The following ENPP6 variants were observed in gnomAD, a reference collection of about 807,000 sequenced individuals.
ENPP6 encodes the protein glycerophosphocholine cholinephosphodiesterase ENPP6.
Under a neutral mutation model 42.0 loss-of-function variants are expected in ENPP6, and 32 were observed. That is an observed-to-expected ratio of 0.76 (90% confidence interval 0.58 to 1.02). The LOEUF is 1.02. Ranked by LOEUF, ENPP6 falls within the 50% of genes least tolerant of loss-of-function variation. The pLI is 0.00. For synonymous variants in ENPP6, 213 were observed against 216.0 expected (o/e 0.99, Z 0.12); for missense variants, 552 against 566.8 (o/e 0.97, Z 0.27).
chr4:184,217,314 C>T (rs1733212956), intron 1 of ENPP6, among the ~76,000 whole-genome samples: 1 of 152,166 alleles, frequency 6.6e-6, no homozygotes, highest in Non-Finnish European at 1.5e-5. Flanking sequence ...CTTTTAATAT[C>T]GTCAAATATC....
chr4:184,091,310 C>T lies in ENPP6; in HGVS notation c.1190G>A (p.Gly397Asp), dbSNP rs1579602035. Residue 397 changes from glycine to aspartate, a missense_variant, in exon 8 of 8, where the codon GGC becomes GAC. By Grantham distance (94) the Gly-to-Asp change is moderately conservative. Coordinates refer to ENST00000296741, the MANE Select transcript of ENPP6 (RefSeq NM_153343.4). ...TCCGTTGTTGGGCAGCGGGGTGATG[C>T]CCACCACATTGCACATGACATTGTA... ...DVYNVMCNVV[G>D]ITPLPNNGSW... 6.2e-7 allele frequency: 1 copy of T among 1,614,100 alleles called. No individual in the cohort carries two copies. Among genetic ancestry groups the T allele is most frequent in the Non-Finnish European group, 8.5e-7 (1 of 1,180,016 alleles).
intron 3 of ENPP6, among the ~76,000 whole-genome samples, chr4:184,122,312 C>A (rs1243166928): frequency 6.6e-6 from 1 of 152,086 alleles, no homozygotes; most frequent in African/African-American, 2.4e-5. Flanking sequence ...CATTAGGTGG[C>A]AGCCTAGCTG....
chr4:184,166,421 C>T (rs925010707), intron 1 of ENPP6, among the ~76,000 whole-genome samples: 1 of 152,094 alleles, frequency 6.6e-6, no homozygotes, highest in Non-Finnish European at 1.5e-5. Context: ...GTTTCTGCAG[C>T]GCCTGCCAGC....
intron 2 of ENPP6, among the ~76,000 whole-genome samples, chr4:184,132,774 C>CATATATACATATATACACATAT (rs1199129099): frequency 3.3e-5 from 5 of 150,406 alleles, no homozygotes; most frequent in African/African-American, 1.2e-4. Context: ...TATAGATACA[C>CATATATACATATATACACATAT]ATATATACAT....
chr4:184,149,901 T>C (rs1353633953), intron 2 of ENPP6, among the ~76,000 whole-genome samples: 1 of 152,190 alleles, frequency 6.6e-6, no homozygotes, highest in Non-Finnish European at 1.5e-5. Flanking sequence ...CCTCCCATAG[T>C]TATTCTCTGC....
intron 1 of ENPP6, among the ~76,000 whole-genome samples, chr4:184,198,487 C>T (rs1338228142): frequency 6.6e-6 from 1 of 152,160 alleles, no homozygotes; most frequent in African/African-American, 2.4e-5. Context: ...AGTGGCAGCT[C>T]CCAGAGGTGG....
intron 2 of ENPP6, among the ~76,000 whole-genome samples, chr4:184,153,085 A>C (rs577319736): frequency 6.6e-6 from 1 of 151,830 alleles, no homozygotes; most frequent in South Asian, 2.1e-4. Context: ...AGAGTTAAAA[A>C]CACATTTTTC....
chr4:184,177,060 A>G (rs1230161385), intron 1 of ENPP6, among the ~76,000 whole-genome samples: 1 of 152,148 alleles, frequency 6.6e-6, no homozygotes, highest in African/African-American at 2.4e-5. Flanking sequence ...TCCCAAGCAC[A>G]GAGCTGTGCA....
At chr4:184,179,363 C>T (rs1306673416) in intron 1 of ENPP6, among the ~76,000 whole-genome samples, 1 of 152,158 alleles carries the variant, frequency 6.6e-6, no homozygotes, top group Admixed American at 6.5e-5. Context: ...CAGTAGTACC[C>T]AGATTCATAA....
intron 1 of ENPP6, among the ~76,000 whole-genome samples, chr4:184,212,682 C>T (rs1048446758): frequency 6.6e-6 from 1 of 151,640 alleles, no homozygotes; most frequent in Non-Finnish European, 1.5e-5. Flanking sequence ...TTTACAGATT[C>T]AATGCCATCC....
Position 184,102,611 on chromosome 4 carries a change from G to A in ENPP6, c.994-5243C>T, listed in dbSNP as rs982320421. 3.9e-5 allele frequency among the ~76,000 whole-genome samples: 6 copies of A among 152,268 alleles called. No homozygotes were observed. In the East Asian group the frequency reaches 7.7e-4, roughly 20 times the overall value. ...CCTGCATCCCTAAATGTCTCCTCCCGAGGTGGCTGGAGGGTTGAAATCTGT... is the reference window on the plus strand; with the variant it reads ...CCTGCATCCCTAAATGTCTCCTCCCAAGGTGGCTGGAGGGTTGAAATCTGT... On this transcript the variant is annotated intron_variant, in intron 6 of 7. Coordinates refer to ENST00000296741, the MANE Select transcript of ENPP6 (RefSeq NM_153343.4).
intron 6 of ENPP6, among the ~76,000 whole-genome samples, chr4:184,107,634 G>A (rs1362455076): frequency 6.6e-6 from 1 of 152,016 alleles, no homozygotes; most frequent in Non-Finnish European, 1.5e-5. Flanking sequence ...AATTAGTCAG[G>A]GCTAGGTGTG....
intron 6 of ENPP6, among the ~76,000 whole-genome samples, chr4:184,110,097 G>A (rs1736174617): frequency 6.6e-6 from 1 of 152,296 alleles, no homozygotes; most frequent in Admixed American, 6.5e-5. Flanking sequence ...CCTCAGACGT[G>A]TCACTGGGCA....
At chr4:184,151,857 C>T (rs959924809) in intron 2 of ENPP6, among the ~76,000 whole-genome samples, 3 of 152,218 alleles carry the variant, frequency 2.0e-5, no homozygotes, top group South Asian at 2.1e-4. Context: ...GAGCCTGCTC[C>T]GTGCAGTGAC....
chr4:184,148,521 C>T (rs1330152767), intron 2 of ENPP6, among the ~76,000 whole-genome samples: 4 of 152,160 alleles, frequency 2.6e-5, no homozygotes, highest in African/African-American at 4.8e-5. Context: ...AAATGGTCGA[C>T]GCCTAGAAAC....
At position 184,131,197 on chromosome 4, in the gene ENPP6, C is replaced by CTT. The variant is rs1340443264; in HGVS notation, c.422-6927_422-6926dup. Among the ~76,000 whole-genome samples the CTT allele has an allele frequency of 4.2e-5, 2 of 47,934 alleles. 1 individual carries two copies. Among genetic ancestry groups the CTT allele is most frequent in the African/African-American group, 1.6e-4 (2 of 12,256 alleles). The allele number at this position is 47,934 out of a possible 152,430, so 31.4% of individuals were successfully genotyped here. A position where few individuals can be genotyped will look rare whatever the true frequency, so the allele number is the denominator to read the frequency against. ...TCTTTCTTTCTTTCTTTCTTTCTTT[C>CTT]TTTCTTCTTTCTTTCTTTCTTTTTC... On this transcript the variant is annotated intron_variant, in intron 2 of 7. Coordinates refer to ENST00000296741, the MANE Select transcript of ENPP6 (RefSeq NM_153343.4).
Position 184,116,928 on chromosome 4 carries a change from C to A in ENPP6, c.783G>T (p.Leu261=). 1.2e-6 allele frequency: 2 copies of A among 1,614,228 alleles called. No individual in the cohort carries two copies. The highest frequency in any genetic ancestry group is 1.7e-6 in the Non-Finnish European group (2 of 1,180,040). ...KVIELNKYIS[L]NDLQQVKDRG... is the part of the protein sequence containing the mutation. ...GGTCCTTCACTTGCTGCAGGTCATT[C>A]AGGCTGATGTACTTATTCAGCTCAA... Residue 261 remains leucine, a synonymous_variant, in exon 5 of 8, where the codon CTG becomes CTT. Transcript: ENST00000296741.
chr4:184,132,922 C>T (rs572280916), intron 2 of ENPP6, among the ~76,000 whole-genome samples: 7 of 150,960 alleles, frequency 4.6e-5, no homozygotes, highest in Middle Eastern at 3.5e-3. Flanking sequence ...GGGAGTGTCA[C>T]GGTCATAAAT....
chr4:184,159,528 G>A (rs1737228723), intron 1 of ENPP6, among the ~76,000 whole-genome samples: 1 of 152,226 alleles, frequency 6.6e-6, no homozygotes, highest in African/African-American at 2.4e-5. Flanking sequence ...GGACTAGCAA[G>A]GAAGTTTATA....
Sources: allele counts gnomAD v4.1 joint callset (sites outside exome capture counted in the v4.1 genomes callset), GRCh38; gene constraint gnomAD v4.1.1; transcripts MANE v1.5; gene names NCBI Gene and HGNC (gene_info 2026-07-23, HGNC 2026-07-21).